The following PCGF5 variants were observed in gnomAD, a reference collection of about 807,000 sequenced individuals.
PCGF5 encodes the protein polycomb group RING finger protein 5.
Under a neutral mutation model 44.3 loss-of-function variants are expected in PCGF5, and 9 were observed. The observed-to-expected ratio is 0.20, with a 90% CI of 0.12 to 0.35. The LOEUF is 0.35. Among genes scored for constraint, PCGF5 ranks in the 10% least tolerant of loss-of-function variants. The pLI is 1.00. For synonymous variants in PCGF5, 95 were observed against 102.5 expected (o/e 0.93, Z 0.44); for missense variants, 146 against 305.3 (o/e 0.48, Z 3.89).
At chr10:91,269,146 C>A (rs1846117321) in intron 8 of PCGF5, among the ~76,000 whole-genome samples, 1 of 152,188 alleles carries the variant, frequency 6.6e-6, no homozygotes, top group African/African-American at 2.4e-5. Context: ...GCTAATGCAT[C>A]TGATCTTTGG....
chr10:91,265,006 T>C (rs761178575), intron 8 of PCGF5, among the ~76,000 whole-genome samples: 1 of 152,242 alleles, frequency 6.6e-6, no homozygotes, highest in Non-Finnish European at 1.5e-5. Context: ...GTAAGTGAGT[T>C]TGCAGTGCTT....
chr10:91,266,476 T>G (rs941911623), intron 8 of PCGF5, among the ~76,000 whole-genome samples: 5 of 152,254 alleles, frequency 3.3e-5, no homozygotes, highest in Admixed American at 6.5e-5. Flanking sequence ...ATTTTTTGGT[T>G]GTTTAAGGCA....
intron 1 of PCGF5, among the ~76,000 whole-genome samples, chr10:91,195,472 A>ATG (rs1844115089): frequency 3.9e-5 from 2 of 51,244 alleles, no homozygotes; most frequent in East Asian, 3.7e-4. Flanking sequence ...ATATGCATGC[A>ATG]TATATATATA....
At chr10:91,197,325 C>G (rs1484679197) in intron 1 of PCGF5, among the ~76,000 whole-genome samples, 1 of 152,264 alleles carries the variant, frequency 6.6e-6, no homozygotes, top group Non-Finnish European at 1.5e-5. Context: ...GGGCACGTCC[C>G]TCTCTCTATG....
At chr10:91,262,283 G>A (rs777536660) in intron 7 of PCGF5, among the ~76,000 whole-genome samples, 12 of 151,994 alleles carry the variant, frequency 7.9e-5, no homozygotes, top group Non-Finnish European at 1.2e-4. Context: ...AAAATTAGCC[G>A]GGTGTGGTGG....
intron 1 of PCGF5, among the ~76,000 whole-genome samples, chr10:91,207,808 A>G (rs1327722300): frequency 1.3e-5 from 2 of 152,172 alleles, no homozygotes; most frequent in Non-Finnish European, 1.5e-5. Flanking sequence ...GATTATAGTC[A>G]GGATAGACAT....
At chr10:91,267,739 G>A (rs1411241527) in intron 8 of PCGF5, among the ~76,000 whole-genome samples, 2 of 152,136 alleles carry the variant, frequency 1.3e-5, no homozygotes, top group Non-Finnish European at 2.9e-5. Context: ...TTGAGCTCCT[G>A]TAGCATATTG....
chr10:91,221,723 TAAA>T (rs57050045), intron 1 of PCGF5, among the ~76,000 whole-genome samples: 39 of 144,220 alleles, frequency 2.7e-4, no homozygotes, highest in African/African-American at 7.8e-4. Context: ...ATTTTACAGT[TAAA>T]AAAAAAAAAA....
At chr10:91,241,152 G>A (rs527844204) in intron 3 of PCGF5, among the ~76,000 whole-genome samples, 23 of 151,480 alleles carry the variant, frequency 1.5e-4, no homozygotes, top group Non-Finnish European at 2.5e-4. Flanking sequence ...TCAGCTCACC[G>A]CAACCTCCAC....
intron 1 of PCGF5, among the ~76,000 whole-genome samples, chr10:91,170,386 T>C (rs145672416): frequency 6.6e-6 from 1 of 152,326 alleles, no homozygotes; most frequent in East Asian, 1.9e-4. Flanking sequence ...TAATAGTCTG[T>C]TATCTAAAAT....
chr10:91,254,673 T>C (rs751346129), intron 6 of PCGF5, among the ~76,000 whole-genome samples: 5 of 152,082 alleles, frequency 3.3e-5, no homozygotes, highest in Non-Finnish European at 7.4e-5. Context: ...AGTAGTTGCA[T>C]GTATAGTTTA....
At chr10:91,274,920 A>T (rs879754203) in intron 9 of PCGF5, among the ~76,000 whole-genome samples, 2 of 152,222 alleles carry the variant, frequency 1.3e-5, no homozygotes, top group Non-Finnish European at 2.9e-5. Flanking sequence ...GGGGAATTCA[A>T]TTCTACCTCA....
At chr10:91,207,321 T>C (rs996724684) in intron 1 of PCGF5, among the ~76,000 whole-genome samples, 18 of 152,216 alleles carry the variant, frequency 1.2e-4, no homozygotes, top group African/African-American at 3.9e-4. Flanking sequence ...TTTCAGCTTC[T>C]TGAGAAATTC....
chr10:91,177,076 G>C (rs990367027), intron 1 of PCGF5, among the ~76,000 whole-genome samples: 1 of 152,184 alleles, frequency 6.6e-6, no homozygotes, highest in Non-Finnish European at 1.5e-5. Context: ...ACGTACAGAT[G>C]GGGTTTTGGT....
intron 6 of PCGF5, among the ~76,000 whole-genome samples, chr10:91,255,322 T>A (rs2648725): frequency 0.14 from 21,621 of 152,072 alleles, 1,986 homozygotes; most frequent in Non-Finnish European, 0.21. Flanking sequence ...CCCTAGGAGC[T>A]TCAAAAGGCT....
At chr10:91,158,133 C>A (rs1004071182), upstream of PCGF5, among the ~76,000 whole-genome samples, 12 of 152,136 alleles carry the variant, frequency 7.9e-5, no homozygotes, top group African/African-American at 2.9e-4. Context: ...CCTAAGAAAT[C>A]TAAAGTAAAA....
intron 1 of PCGF5, among the ~76,000 whole-genome samples, chr10:91,173,570 G>T (rs1320582036): frequency 1.4e-5 from 1 of 70,186 alleles, no homozygotes; most frequent in East Asian, 6.2e-4. Flanking sequence ...TCTGCTAGAG[G>T]GAGTTGGCTT....
rs1721609268 is a variant in PCGF5, at chr10:91,278,710, T to A, written c.*394T>A. ...TTTTCACATACTTACTCTTTTATTC[T>A]TGTTTAAATAGCGTACTCTACAAGA... On this transcript the variant is annotated 3_prime_UTR_variant, in exon 10 of 10. Transcript: ENST00000336126. The A allele has an allele frequency of 5.6e-6, 1 of 177,830 alleles. No homozygotes were observed. Among genetic ancestry groups the A allele is most frequent in the African/African-American group, 2.4e-5 (1 of 42,318 alleles). The allele number at this position is 177,830 out of a possible 1,614,324, so 11.0% of individuals were successfully genotyped here. A position where few individuals can be genotyped will look rare whatever the true frequency, so the allele number is the denominator to read the frequency against.
chr10:91,186,521 CATATATATATGTGTGTGTGTGTATATAT>C (rs1198619416), intron 1 of PCGF5, among the ~76,000 whole-genome samples: 20 of 145,092 alleles, frequency 1.4e-4, no homozygotes, highest in Non-Finnish European at 2.7e-4. Flanking sequence ...GGAAAAACTT[CATATATATATGTGTGTGTGTGTATATAT>C]ATATATATAT....
Sources: gnomAD v4.1 joint callset for allele counts (sites outside exome capture counted in the v4.1 genomes callset) on GRCh38, gnomAD v4.1.1 for gene constraint, MANE v1.5 for transcripts, NCBI Gene and HGNC (gene_info 2026-07-23, HGNC 2026-07-21) for gene names.